The following CLIP4 variants were observed in gnomAD, a reference collection of about 807,000 sequenced individuals.
CLIP4 encodes CAP-Gly domain-containing linker protein 4.
A neutral mutation model predicts 73.1 loss-of-function variants in CLIP4; 47 were observed. The observed-to-expected ratio is 0.64, with a 90% CI of 0.51 to 0.82. CLIP4 has a LOEUF of 0.82. Among genes scored for constraint, CLIP4 ranks in the 40% least tolerant of loss-of-function variants. CLIP4 has a pLI of 0.00. For missense variants in CLIP4, 874 were observed against 852.9 expected (o/e 1.02, Z -0.31); for synonymous variants, 306 against 295.4 (o/e 1.04, Z -0.37).
intron 15 of CLIP4, 31 bp from the exon 16 acceptor site, chr2:29,181,541 A>G (rs372569475): frequency 5.1e-5 from 78 of 1,526,482 alleles, no homozygotes; most frequent in Non-Finnish European, 6.7e-5. Context: ...TCAGCACTAA[A>G]TAATTTTTCC....
intron 6 of CLIP4, among the ~76,000 whole-genome samples, chr2:29,142,653 C>A (rs1340403799): frequency 4.6e-5 from 7 of 152,142 alleles, no homozygotes; most frequent in African/African-American, 1.4e-4. Flanking sequence ...AATTTTAAAA[C>A]AAAAAAATGC....
At chr2:29,169,178 G>T (rs1236842615) in intron 14 of CLIP4, among the ~76,000 whole-genome samples, 3 of 152,202 alleles carry the variant, frequency 2.0e-5, no homozygotes, top group African/African-American at 7.2e-5. Context: ...CACAGACTGG[G>T]TGGTTGAAAC....
rs1356809061 is a variant in CLIP4, at chr2:29,160,571, G to GT, written c.1534+109dup. On this transcript the variant is annotated intron_variant, in intron 12 of 15. Coordinates refer to ENST00000320081, the MANE Select transcript of CLIP4 (RefSeq NM_024692.6). ...AATTGTAGAGAAATCTTGATGAACA[G>GT]TTTTTGTGGATGGCAGCTATAGTAC... 32 of 1,327,106 alleles carry GT rather than the reference G, an allele frequency of 2.4e-5. 1 individual carries two copies. In the Admixed American group the frequency reaches 4.6e-4, roughly 19 times the overall value. 82.2% of individuals were successfully genotyped at this position (1,327,106 alleles called of 1,614,324 possible).
chr2:29,128,193 T>G lies in CLIP4; in HGVS notation c.134-3065T>G, dbSNP rs1169486411. Among the ~76,000 whole-genome samples, 5 of 151,814 alleles carry G rather than the reference T, an allele frequency of 3.3e-5. No homozygotes were observed. The East Asian group carries it at 7.7e-4, about 23-fold the overall frequency. The stretch of plus-strand genomic sequence containing the variant: ...TAATTAGTTTAATGTCTGTGTTTTT[T>G]TTTTTTTTTTTTAAAGAAATAGAAC... On this transcript the variant is annotated intron_variant, in intron 2 of 15. Transcript: ENST00000320081.
chr2:29,116,215 G>C (rs1181063242), intron 1 of CLIP4, among the ~76,000 whole-genome samples: 1 of 152,212 alleles, frequency 6.6e-6, no homozygotes, highest in Non-Finnish European at 1.5e-5. Flanking sequence ...AGGAGCGCTG[G>C]AGCTGAGCCC....
At chr2:29,111,821 G>C (rs182354910), upstream of CLIP4, among the ~76,000 whole-genome samples, 8 of 152,092 alleles carry the variant, frequency 5.3e-5, no homozygotes, top group East Asian at 1.5e-3. Context: ...TTGCTTCAAG[G>C]ATTGTGCTTT....
At chr2:29,165,425 G>A (rs1667545127) in intron 13 of CLIP4, among the ~76,000 whole-genome samples, 2 of 152,318 alleles carry the variant, frequency 1.3e-5, no homozygotes, top group South Asian at 4.1e-4. Flanking sequence ...AATGAGGAAA[G>A]TAAGTCACAA....
At chr2:29,169,018 T>C (rs913480127) in intron 14 of CLIP4, among the ~76,000 whole-genome samples, 1 of 152,116 alleles carries the variant, frequency 6.6e-6, no homozygotes, top group Non-Finnish European at 1.5e-5. Context: ...ATTTGTATGA[T>C]ACCAATCCTT....
chr2:29,154,854 C>G (rs1221157825), intron 9 of CLIP4, among the ~76,000 whole-genome samples: 1 of 152,094 alleles, frequency 6.6e-6, no homozygotes, highest in African/African-American at 2.4e-5. Context: ...CACATCAGAA[C>G]CACAGTGCAC....
At chr2:29,138,310 G>A (rs1309712778) in intron 6 of CLIP4, among the ~76,000 whole-genome samples, 1 of 151,916 alleles carries the variant, frequency 6.6e-6, no homozygotes, top group African/African-American at 2.4e-5. Flanking sequence ...AGATCAGTTG[G>A]TTGTGTGTGG....
chr2:29,108,196 A>T (rs369067922), intron 1 of CLIP4, among the ~76,000 whole-genome samples: 2 of 152,364 alleles, frequency 1.3e-5, no homozygotes, highest in East Asian at 3.9e-4. Flanking sequence ...TTTGTAAATT[A>T]GGCACAGTAA....
chr2:29,109,719 T>C (rs1291503671), intron 1 of CLIP4, among the ~76,000 whole-genome samples: 1 of 152,074 alleles, frequency 6.6e-6, no homozygotes, highest in African/African-American at 2.4e-5. Flanking sequence ...GCAAATTCCT[T>C]TGTTAGTGTC....
chr2:29,156,523 T>C (rs1051256640), intron 10 of CLIP4, 80 bp downstream of exon 10: 1 of 1,045,726 alleles, frequency 9.6e-7, no homozygotes, highest in African/African-American at 1.7e-5. Flanking sequence ...ACAGTTTATA[T>C]GGAGGTTAAG....
At chr2:29,121,315 G>T (rs1489156482) in intron 1 of CLIP4, 59 bp from the exon 2 acceptor site, 1 of 1,457,550 alleles carries the variant, frequency 6.9e-7, no homozygotes, top group Non-Finnish European at 9.2e-7. Context: ...ATTGAAGGCA[G>T]TCATTCTAAG....
chr2:29,163,965 G>T lies in CLIP4; in HGVS notation c.1658+11G>T. On this transcript the variant is annotated intron_variant, in intron 13 of 15. Coordinates refer to ENST00000320081, the MANE Select transcript of CLIP4 (RefSeq NM_024692.6). ...ATCCAGGGTGCAAAGGTGAGAGAATGAAATTTATGTTTATTTACAGAAACT... is the reference window on the plus strand; with the variant it reads ...ATCCAGGGTGCAAAGGTGAGAGAATTAAATTTATGTTTATTTACAGAAACT... 1 of 1,607,012 alleles carries T rather than the reference G, an allele frequency of 6.2e-7. No homozygotes were observed. The highest frequency in any genetic ancestry group is 8.5e-7 in the Non-Finnish European group (1 of 1,177,092).
intron 13 of CLIP4, 25 bp from the exon 14 acceptor site, chr2:29,167,451 G>A (rs747074071): frequency 3.9e-6 from 6 of 1,557,398 alleles, no homozygotes; most frequent in Admixed American, 3.7e-5. Context: ...TACTTCTAAC[G>A]AGATGTCCTT....
chr2:29,179,382 G>T (rs1364714760), intron 15 of CLIP4, among the ~76,000 whole-genome samples: 1 of 152,152 alleles, frequency 6.6e-6, no homozygotes. Flanking sequence ...TAATGGCGGC[G>T]TAAACCTTGC....
intron 12 of CLIP4, among the ~76,000 whole-genome samples, chr2:29,162,807 A>T (rs957458607): frequency 7.2e-5 from 11 of 152,202 alleles, no homozygotes; most frequent in Admixed American, 2.0e-4. Flanking sequence ...CTCAGGTATC[A>T]TCTTTTTATA....
At chr2:29,116,277 A>ATATC (rs1363321903) in intron 1 of CLIP4, among the ~76,000 whole-genome samples, 1 of 152,156 alleles carries the variant, frequency 6.6e-6, no homozygotes, top group African/African-American at 2.4e-5. Flanking sequence ...TTTGAATTAG[A>ATATC]TGTCAGGCTG....
Sources: gnomAD v4.1 joint callset for allele counts (sites outside exome capture counted in the v4.1 genomes callset) on GRCh38, gnomAD v4.1.1 for gene constraint, MANE v1.5 for transcripts, NCBI Gene and HGNC (gene_info 2026-07-23, HGNC 2026-07-21) for gene names.